NRXN1: variants seen among roughly 807,000 people sequenced by gnomAD.
The protein encoded by NRXN1 is neurexin 1.
Under a neutral mutation model 150.9 loss-of-function variants are expected in NRXN1, and 39 were observed. That is an observed-to-expected ratio of 0.26 (90% CI 0.20 to 0.34). The LOEUF is 0.34. NRXN1 is among the 10% of genes least tolerant of loss of function. The probability of loss-of-function intolerance (pLI) is 1.00; values close to 1 mark genes in which losing one functional copy is unlikely to be tolerated. For missense variants in NRXN1, 1,815 were observed against 1,949.9 expected, an observed-to-expected ratio of 0.93 and a Z score of 1.30; for synonymous variants, 924 against 757.0, an observed-to-expected ratio of 1.22 and a Z score of -3.62.
intron 5 of NRXN1, among the ~76,000 whole-genome samples, chr2:50,784,858 T>C (rs924441823): frequency 6.6e-6 from 1 of 151,996 alleles, no homozygotes; most frequent in Admixed American, 6.6e-5. Context: ...GTATACACAA[T>C]GAGATCCTCT....
chr2:50,749,886 C>T (rs980681416), intron 5 of NRXN1, among the ~76,000 whole-genome samples: 3 of 151,972 alleles, frequency 2.0e-5, no homozygotes, highest in Non-Finnish European at 4.4e-5. Context: ...ATCTTAACTA[C>T]CCCATCTTCC....
intron 5 of NRXN1, among the ~76,000 whole-genome samples, chr2:50,639,227 T>TTCTTTC (rs1559058956): frequency 2.7e-5 from 4 of 149,988 alleles, no homozygotes; most frequent in East Asian, 2.0e-4. Flanking sequence ...TCTTTCTTTT[T>TTCTTTC]TTTTTTTTTT....
intron 2 of NRXN1, among the ~76,000 whole-genome samples, chr2:51,008,872 C>G (rs62143019): frequency 0.13 from 19,104 of 151,516 alleles, 1,332 homozygotes; most frequent in Non-Finnish European, 0.15. Context: ...TTTGGTAGGA[C>G]AAATCACATT....
At chr2:50,550,910 T>C (rs1667372122) in intron 9 of NRXN1, among the ~76,000 whole-genome samples, 1 of 151,880 alleles carries the variant, frequency 6.6e-6, no homozygotes, top group Non-Finnish European at 1.5e-5. Flanking sequence ...CTGGATCTCC[T>C]GACCTCGTGA....
chr2:49,969,807 T>A (rs1433963916), intron 21 of NRXN1: 1 of 152,044 alleles, frequency 6.6e-6, no homozygotes, highest in Non-Finnish European at 1.5e-5. Context: ...GTCAGCCAGG[T>A]AATGGCATTT....
chr2:50,517,821 C>A (rs1238862019), intron 12 of NRXN1, among the ~76,000 whole-genome samples: 1 of 152,100 alleles, frequency 6.6e-6, no homozygotes, highest in African/African-American at 2.4e-5. Flanking sequence ...TGGATGTGAC[C>A]TTGGAGAGTT....
intron 2 of NRXN1, among the ~76,000 whole-genome samples, chr2:51,005,689 T>G (rs978610972): frequency 1.3e-5 from 2 of 151,632 alleles, no homozygotes; most frequent in East Asian, 3.9e-4. Context: ...ATCACCCAAT[T>G]GCAAAAATAA....
chr2:50,167,401 TC>T (rs530939611), intron 18 of NRXN1, among the ~76,000 whole-genome samples: 8 of 151,648 alleles, frequency 5.3e-5, no homozygotes, highest in East Asian at 1.9e-4. Context: ...TTGTCCTGCC[TC>T]CCCCCCGCCT....
At chr2:50,384,769 T>C (rs1346256929) in intron 17 of NRXN1, among the ~76,000 whole-genome samples, 2 of 152,130 alleles carry the variant, frequency 1.3e-5, no homozygotes, top group Non-Finnish European at 2.9e-5. Context: ...TTATTACTTT[T>C]AGAGCCACAT....
intron 8 of NRXN1, among the ~76,000 whole-genome samples, chr2:50,555,424 G>A (rs1252308659): frequency 1.3e-5 from 2 of 152,072 alleles, no homozygotes; most frequent in Non-Finnish European, 2.9e-5. Context: ...GTGACTTGGT[G>A]ATGAAAAGGT....
chr2:49,979,433 C>G (rs1339275532), intron 21 of NRXN1, among the ~76,000 whole-genome samples: 2 of 152,324 alleles, frequency 1.3e-5, no homozygotes, highest in East Asian at 3.9e-4. Context: ...GAAGTATTAT[C>G]TTCCAAAATA....
intron 17 of NRXN1, among the ~76,000 whole-genome samples, chr2:50,450,437 A>C (rs1025250491): frequency 1.0e-5 from 1 of 99,974 alleles, no homozygotes; most frequent in Non-Finnish European, 1.7e-5. Flanking sequence ...GGAGCAAAAC[A>C]GAAAAAAAAA....
At chr2:50,997,312 T>C (rs1010618415) in intron 2 of NRXN1, among the ~76,000 whole-genome samples, 7 of 151,870 alleles carry the variant, frequency 4.6e-5, no homozygotes, top group African/African-American at 1.7e-4. Context: ...TATGCACCTG[T>C]AGTCCCAGCT....
intron 18 of NRXN1, among the ~76,000 whole-genome samples, chr2:50,131,014 T>G (rs984777784): frequency 1.2e-4 from 18 of 152,224 alleles, no homozygotes; most frequent in African/African-American, 4.1e-4. Context: ...GGTACCATAT[T>G]AAGAAAAGCT....
intron 5 of NRXN1, among the ~76,000 whole-genome samples, chr2:50,696,491 G>A (rs777438930): frequency 6.6e-6 from 1 of 152,140 alleles, no homozygotes; most frequent in East Asian, 1.9e-4. Context: ...AAAGAAGGTC[G>A]TGATAAGGTA....
intron 16 of NRXN1, among the ~76,000 whole-genome samples, chr2:50,469,235 C>T (rs1371661302): frequency 6.6e-6 from 1 of 151,574 alleles, no homozygotes; most frequent in African/African-American, 2.4e-5. Context: ...TATAGGCTAA[C>T]ATTCAGGAGA....
chr2:50,787,380 T>C (rs769313268), intron 5 of NRXN1, among the ~76,000 whole-genome samples: 8 of 151,800 alleles, frequency 5.3e-5, no homozygotes, highest in Non-Finnish European at 1.2e-4. Context: ...GACTATGTGG[T>C]GAAACCCCCA....
At chr2:49,934,542 C>T (rs1019256753) in intron 22 of NRXN1, among the ~76,000 whole-genome samples, 1 of 152,084 alleles carries the variant, frequency 6.6e-6, no homozygotes, top group African/African-American at 2.4e-5. Flanking sequence ...GGAAAAAGAT[C>T]AGATTCTTTT....
intron 15 of NRXN1, among the ~76,000 whole-genome samples, chr2:50,478,286 G>T (rs1558800485): frequency 6.6e-6 from 1 of 152,156 alleles, no homozygotes; most frequent in Non-Finnish European, 1.5e-5. Context: ...AAAAGCATGG[G>T]AAGTGAATAC....
Sources: gnomAD v4.1 joint callset for allele counts (sites outside exome capture counted in the v4.1 genomes callset) on GRCh38, gnomAD v4.1.1 for gene constraint, MANE v1.5 for transcripts, NCBI Gene and HGNC (gene_info 2026-07-23, HGNC 2026-07-21) for gene names.